COL21A1: variants seen among roughly 807,000 people sequenced by gnomAD.
COL21A1 encodes the protein collagen type XXI alpha 1 chain, also known as collagen alpha-1(XXI) chain.
Under a neutral mutation model 137.9 loss-of-function variants are expected in COL21A1, and 149 were observed. The observed-to-expected ratio is 1.08, with a 90% CI of 0.95 to 1.24. COL21A1 has a LOEUF of 1.24. Ranked by LOEUF, COL21A1 falls within the 50% of genes most tolerant of loss-of-function variation. The pLI is 0.00. For synonymous variants in COL21A1, 456 were observed against 391.5 expected (o/e 1.16, Z -1.95); for missense variants, 1,167 against 1,158.4 (o/e 1.01, Z -0.11).
intron 1 of COL21A1, among the ~76,000 whole-genome samples, chr6:56,213,638 C>A (rs1297671011): frequency 6.6e-6 from 1 of 151,918 alleles, no homozygotes; most frequent in Non-Finnish European, 1.5e-5. Flanking sequence ...ACATACATTT[C>A]ATTATTTTCC....
intron 1 of COL21A1, among the ~76,000 whole-genome samples, chr6:56,199,483 C>G (rs1163574104): frequency 6.6e-6 from 1 of 151,908 alleles, no homozygotes; most frequent in African/African-American, 2.4e-5. Flanking sequence ...CTAACTATAA[C>G]TTAAAGAACA....
At chr6:56,097,102 G>C (rs530283462) in intron 17 of COL21A1, among the ~76,000 whole-genome samples, 1 of 152,198 alleles carries the variant, frequency 6.6e-6, no homozygotes, top group East Asian at 1.9e-4. Context: ...CAGCAAATTT[G>C]AGACACTTAA....
intron 1 of COL21A1, among the ~76,000 whole-genome samples, chr6:56,219,541 A>T (rs1780700420): frequency 6.6e-6 from 1 of 152,118 alleles, no homozygotes; most frequent in African/African-American, 2.4e-5. Context: ...CATTTCTTCA[A>T]GCGTCTCGAC....
chr6:56,302,947 T>G (rs1441785009), intron 1 of COL21A1, among the ~76,000 whole-genome samples: 1 of 152,126 alleles, frequency 6.6e-6, no homozygotes, highest in Non-Finnish European at 1.5e-5. Flanking sequence ...TTTCTACATA[T>G]GGCTAGCCAG....
Position 56,124,090 on chromosome 6 carries a change from T to G in COL21A1, c.1730A>C (p.Asp577Ala). The stretch of plus-strand genomic sequence containing the variant: ...GAAACCGGGACTACCCATTAATCCA[T>G]CCTTTCCATGTCTTCCTGGTTCTCC... ...PAGEPGRHGK[D>A]GLMGSPGFKG... The change falls in exon 16 of 30, where the codon GAT becomes GCT. Residue 577 changes from aspartate (D) to alanine (A), a missense_variant. By Grantham distance (126) the Asp-to-Ala change is moderately radical (BLOSUM62 -2). Coordinates refer to ENST00000244728, the MANE Select transcript of COL21A1 (RefSeq NM_030820.4). 1.3e-6 allele frequency: 2 copies of G among 1,533,794 alleles called. No homozygotes were observed. The highest frequency in any genetic ancestry group is 4.9e-5 in the East Asian group (2 of 40,702).
chr6:56,153,669 C>T (rs1348901320), intron 10 of COL21A1, among the ~76,000 whole-genome samples: 1 of 152,108 alleles, frequency 6.6e-6, no homozygotes, highest in Non-Finnish European at 1.5e-5. Flanking sequence ...CATCAAGGTC[C>T]TCAAATACTC....
At chr6:56,378,153 C>T (rs758748410) in intron 1 of COL21A1, among the ~76,000 whole-genome samples, 1 of 152,098 alleles carries the variant, frequency 6.6e-6, no homozygotes, top group Non-Finnish European at 1.5e-5. Flanking sequence ...CCAGCTGTGG[C>T]GGCTATAAGG....
intron 9 of COL21A1, among the ~76,000 whole-genome samples, chr6:56,158,253 C>CTTTTTTTTTTTTT (rs59381031): frequency 1.9e-5 from 2 of 104,904 alleles, no homozygotes; most frequent in African/African-American, 3.7e-5. Flanking sequence ...TGGGTTTTTT[C>CTTTTTTTTTTTTT]TTTTTTTTTT....
At chr6:56,116,804 C>T (rs759449566) in intron 16 of COL21A1, among the ~76,000 whole-genome samples, 26 of 151,538 alleles carry the variant, frequency 1.7e-4, no homozygotes, top group Admixed American at 3.3e-4. Flanking sequence ...AGTTAAAAAC[C>T]AGGGGCACAA....
At chr6:56,149,166 T>C (rs900873335) in intron 10 of COL21A1, among the ~76,000 whole-genome samples, 11 of 152,344 alleles carry the variant, frequency 7.2e-5, no homozygotes, top group South Asian at 6.2e-4. Flanking sequence ...CCAAATCTTT[T>C]TGGATCTTCA....
intron 1 of COL21A1, among the ~76,000 whole-genome samples, chr6:56,232,621 T>C (rs1365898842): frequency 6.6e-6 from 1 of 151,972 alleles, no homozygotes; most frequent in African/African-American, 2.4e-5. Flanking sequence ...CTGGACTTCG[T>C]TCATCCTGAA....
chr6:56,185,340 AT>A (rs1156259361), intron 1 of COL21A1, among the ~76,000 whole-genome samples: 7 of 151,778 alleles, frequency 4.6e-5, no homozygotes, highest in Non-Finnish European at 1.0e-4. Context: ...AACATAAATA[AT>A]TGCCTAAGTC....
chr6:56,113,113 C>G (rs74849432), intron 16 of COL21A1, among the ~76,000 whole-genome samples: 3,534 of 152,284 alleles, frequency 0.023, 74 homozygotes, highest in East Asian at 0.055. Flanking sequence ...TGAAAGGGAG[C>G]CTAGGCCATA....
At chr6:56,242,099 CT>C (rs1782362161) in intron 1 of COL21A1, among the ~76,000 whole-genome samples, 1 of 152,144 alleles carries the variant, frequency 6.6e-6, no homozygotes, top group African/African-American at 2.4e-5. Flanking sequence ...CTTCTGAGTA[CT>C]GCTGGAAAAC....
chr6:56,294,858 T>C (rs763442858), intron 1 of COL21A1, among the ~76,000 whole-genome samples: 1 of 152,056 alleles, frequency 6.6e-6, no homozygotes, highest in Non-Finnish European at 1.5e-5. Context: ...TTATCAGATA[T>C]GGTGGCAGAA....
intron 1 of COL21A1, among the ~76,000 whole-genome samples, chr6:56,298,335 T>G (rs945495559): frequency 2.9e-4 from 44 of 152,076 alleles, no homozygotes; most frequent in African/African-American, 1.1e-3. Context: ...TGCAGTTAAG[T>G]CAGGGTGGTG....
intron 1 of COL21A1, among the ~76,000 whole-genome samples, chr6:56,197,706 G>C (rs1157532024): frequency 6.6e-6 from 1 of 151,998 alleles, no homozygotes; most frequent in African/African-American, 2.4e-5. Context: ...AAGATAGCAA[G>C]CGTTGGTGAA....
chr6:56,065,566 G>A (rs144451545), intron 23 of COL21A1, among the ~76,000 whole-genome samples: 140 of 152,070 alleles, frequency 9.2e-4, no homozygotes, highest in African/African-American at 3.3e-3. Context: ...TGACAGAAAG[G>A]GTAGGGAATG....
chr6:56,073,197 TA>T (rs1444037655), intron 20 of COL21A1, among the ~76,000 whole-genome samples: 1 of 151,454 alleles, frequency 6.6e-6, no homozygotes, highest in Non-Finnish European at 1.5e-5. Flanking sequence ...CACCACTTAA[TA>T]AGGGGTATTT....
Sources: gnomAD v4.1 joint callset for allele counts (sites outside exome capture counted in the v4.1 genomes callset) on GRCh38, gnomAD v4.1.1 for gene constraint, MANE v1.5 for transcripts, NCBI Gene and HGNC (gene_info 2026-07-23, HGNC 2026-07-21) for gene names.